Variants in TMEM200A observed in about 807,000 individuals in gnomAD.
TMEM200A encodes two transmembrane C.
TMEM200A carries 12 observed loss-of-function variants against 24.3 expected under a neutral mutation model. The ratio of observed to expected loss-of-function variants is 0.49; its 90% CI spans 0.32 to 0.80. TMEM200A has a LOEUF of 0.80. Among genes scored for constraint, TMEM200A ranks in the 30% least tolerant of loss-of-function variants. The pLI is 0.04. For missense variants in TMEM200A, 545 were observed against 614.4 expected (o/e 0.89, Z 1.19); for synonymous variants, 224 against 224.4 (o/e 1.00, Z 0.02).
At chr6:130,369,348 T>C (rs1292190679) in intron 1 of TMEM200A, among the ~76,000 whole-genome samples, 1 of 152,130 alleles carries the variant, frequency 6.6e-6, no homozygotes, top group Non-Finnish European at 1.5e-5. Context: ...TTTGTAGAGA[T>C]AGGAGAAGCT....
In TMEM200A at chr6:130,385,179, G is replaced by T. The variant is rs1778684105; in HGVS notation, c.-74G>T. The T allele has an allele frequency of 1.3e-5, 2 of 152,196 alleles. No homozygotes were observed. The highest frequency in any genetic ancestry group is 6.5e-5 in the Admixed American group (1 of 15,276). The allele number at this position is 152,196 out of a possible 1,614,324, so 9.4% of individuals were successfully genotyped here. A position where few individuals can be genotyped will look rare whatever the true frequency, so the allele number is the denominator to read the frequency against. On this transcript the variant is annotated 5_prime_UTR_variant, in exon 2 of 3. Coordinates refer to ENST00000296978, the MANE Select transcript of TMEM200A (RefSeq NM_001258277.2). ...AAAATTCTTAATTTCTTAGCACACA[G>T]AGCCGCTGAAAACGACTGAAGAGAG...
rs1780146908 is a variant in TMEM200A at position 130,440,868 on chromosome 6, A to C, written c.446A>C (p.Glu149Ala). 1 of 1,613,950 alleles carries C rather than the reference A, an allele frequency of 6.2e-7. No individual in the cohort carries two copies. Among genetic ancestry groups the C allele is most frequent in the Non-Finnish European group, 8.5e-7 (1 of 1,179,998 alleles). Residue 149 changes from glutamate (E) to alanine (A), a missense_variant, in exon 3 of 3, where the codon GAA (glutamate) becomes GCA (alanine). Transcript: ENST00000296978. The stretch of plus-strand genomic sequence containing the variant: ...ATTTGTGCTAATGCCATTCTTCATG[A>C]AAACCGTGACAAAGAGACCAAAATC... ...IFICANAILH[E>A]NRDKETKIIH...
upstream of TMEM200A, chr6:130,365,996 T>A: frequency 8.1e-6 from 8 of 984,416 alleles, no homozygotes; most frequent in Non-Finnish European, 9.6e-6. Flanking sequence ...CTTTATGGCG[T>A]GAGGTTTGGG....
At chr6:130,404,724 T>C (rs993746480) in intron 2 of TMEM200A, among the ~76,000 whole-genome samples, 13 of 152,178 alleles carry the variant, frequency 8.5e-5, no homozygotes, top group African/African-American at 3.1e-4. Flanking sequence ...GCTTTTGGCG[T>C]CTTTGTCATG....
At chr6:130,421,241 G>T (rs997077227) in intron 2 of TMEM200A, 3 of 152,078 alleles carry the variant, frequency 2.0e-5, no homozygotes, top group Admixed American at 2.0e-4. Context: ...AAGCTCACAG[G>T]TTATACCAGT....
chr6:130,366,086 C>T lies in TMEM200A; in HGVS notation c.-519C>T, dbSNP rs1778134754. On this transcript the variant is annotated 5_prime_UTR_variant, in exon 1 of 3. Transcript: ENST00000296978. This position sits in a 1 kb window ranked among gnomAD's most constrained non-coding sequence, Gnocchi z 4.4. ...CTTTTGTCTTTCTTGGACGCGGTGG[C>T]GGCGCCGCCTGAGCGGCGACTCCCT... 2.0e-6 allele frequency: 2 copies of T among 985,578 alleles called. No homozygotes were observed. Among genetic ancestry groups the T allele is most frequent in the Admixed American group, 6.1e-5 (1 of 16,272 alleles). The allele number at this position is 985,578 out of a possible 1,614,324, so 61.1% of individuals were successfully genotyped here.
intron 2 of TMEM200A, among the ~76,000 whole-genome samples, chr6:130,410,183 G>C (rs1000409807): frequency 6.6e-6 from 1 of 152,234 alleles, no homozygotes; most frequent in South Asian, 2.1e-4. Context: ...TGAGTTTTCT[G>C]TGAGTGGGAA....
chr6:130,423,468 A>T (rs1226202290), intron 2 of TMEM200A, among the ~76,000 whole-genome samples: 1 of 152,188 alleles, frequency 6.6e-6, no homozygotes, highest in African/African-American at 2.4e-5. Flanking sequence ...AATTAGTTGG[A>T]AAATCGTTGC....
chr6:130,382,943 C>A (rs550113205), intron 1 of TMEM200A: 1 of 795,710 alleles, frequency 1.3e-6, no homozygotes, highest in South Asian at 5.7e-5. Context: ...CCTGGTTCCT[C>A]GAGGCACCTG....
rs145434271 is a variant in TMEM200A at position 130,399,202 on chromosome 6, C to T, written c.-17+13966C>T. On this transcript the variant is annotated intron_variant, in intron 2 of 2. Transcript: ENST00000296978. ...TATTTAACCTTTTTTTGGTTGTTTT[C>T]AAGATTTTCTGTTTTTCTTGTGTAA... Among the ~76,000 whole-genome samples, 432 of 151,936 alleles carry T rather than the reference C, an allele frequency of 2.8e-3. 4 individuals carry two copies. Among genetic ancestry groups the T allele is most frequent in the African/African-American group, 9.9e-3 (410 of 41,494 alleles).
chr6:130,366,195 T>G lies in TMEM200A; in HGVS notation c.-410T>G, dbSNP rs1464744872. ...GCGCCCGGATGGCGGCGGCCCTCTGTGAGCACCGGCAGCGGCGCATCCCCT... is the reference window on the plus strand; with the variant it reads ...GCGCCCGGATGGCGGCGGCCCTCTGGGAGCACCGGCAGCGGCGCATCCCCT... On this transcript the variant is annotated 5_prime_UTR_variant, in exon 1 of 3. Coordinates refer to ENST00000296978, the MANE Select transcript of TMEM200A (RefSeq NM_001258277.2). This position sits in a 1 kb window ranked among gnomAD's most constrained non-coding sequence, Gnocchi z 4.4. The G allele has an allele frequency of 1.0e-6, 1 of 985,058 alleles. No individual in the cohort carries two copies. Among genetic ancestry groups the G allele is most frequent in the Non-Finnish European group, 1.2e-6 (1 of 829,796 alleles). The allele number at this position is 985,058 out of a possible 1,614,324, so 61.0% of individuals were successfully genotyped here. A position where few individuals can be genotyped will look rare whatever the true frequency, so the allele number is the denominator to read the frequency against.
chr6:130,427,519 T>C (rs1779773643), intron 2 of TMEM200A, among the ~76,000 whole-genome samples: 1 of 134,022 alleles, frequency 7.5e-6, no homozygotes, highest in Non-Finnish European at 1.5e-5. Flanking sequence ...TTTCATGTAT[T>C]CTTGGGCAAA....
intron 1 of TMEM200A, among the ~76,000 whole-genome samples, chr6:130,381,640 G>A (rs1254352368): frequency 6.6e-6 from 1 of 152,178 alleles, no homozygotes; most frequent in Non-Finnish European, 1.5e-5. Flanking sequence ...ATTGAGTGCG[G>A]GCTCAAAGCT....
Position 130,404,349 on chromosome 6 carries a change from G to C in TMEM200A, c.-17+19113G>C, listed in dbSNP as rs553867903. Among the ~76,000 whole-genome samples the C allele has an allele frequency of 9.9e-5, 15 of 152,096 alleles. No homozygotes were observed. The South Asian group carries it at 2.9e-3, about 29-fold the overall frequency. On this transcript the variant is annotated intron_variant, in intron 2 of 2. Coordinates refer to ENST00000296978, the MANE Select transcript of TMEM200A (RefSeq NM_001258277.2). ...ATCTCTCCAGCATCTGTTATTTTTTGACTTTTTAATGATAGCCATTCTGAC... is the reference window on the plus strand; with the variant it reads ...ATCTCTCCAGCATCTGTTATTTTTTCACTTTTTAATGATAGCCATTCTGAC...
intron 2 of TMEM200A, among the ~76,000 whole-genome samples, chr6:130,389,271 AG>A (rs1435305065): frequency 6.6e-6 from 1 of 152,168 alleles, no homozygotes; most frequent in Non-Finnish European, 1.5e-5. Context: ...ACAAGATATA[AG>A]TGGAAGCAGA....
chr6:130,405,352 C>T (rs932375469), intron 2 of TMEM200A, among the ~76,000 whole-genome samples: 1 of 152,044 alleles, frequency 6.6e-6, no homozygotes, highest in Non-Finnish European at 1.5e-5. Flanking sequence ...TTGTAGTTCT[C>T]CTTGTAGAGA....
At position 130,441,388 on chromosome 6, in the gene TMEM200A, G is replaced by A. The variant is rs1780169475; in HGVS notation, c.966G>A (p.Leu322=). The A allele has an allele frequency of 6.2e-7, 1 of 1,614,116 alleles. No homozygotes were observed. Among genetic ancestry groups the A allele is most frequent in the Non-Finnish European group, 8.5e-7 (1 of 1,180,000 alleles). ...ACCTCAAAAGTAGGTCAAGGAATTT[G>A]TCAATGGATTCCCTTGTGGTTCCTT... The part of the protein sequence containing the change: ...ADNLKSRSRN[L]SMDSLVVPLP... The change falls in exon 3 of 3, where the codon TTG becomes TTA. Residue 322 remains leucine, a synonymous_variant. Transcript: ENST00000296978.
chr6:130,368,128 T>C (rs1201514766), intron 1 of TMEM200A, among the ~76,000 whole-genome samples: 2 of 152,216 alleles, frequency 1.3e-5, no homozygotes, highest in Non-Finnish European at 2.9e-5. Context: ...GAATTTTTAG[T>C]GAAGCTTTTG....
At position 130,441,503 on chromosome 6, in the gene TMEM200A, T is replaced by A; in HGVS notation, c.1081T>A (p.Ser361Thr). ...GGAGTCGTTGTCGAGTCAGTACAAG[T>A]CATCTATGGCTCTCGGACCTGGGGC... is the stretch of plus-strand genomic sequence containing the variant. ...IGESLSSQYK[S>T]SMALGPGAGQ... The change falls in exon 3 of 3, where the codon TCA (serine) becomes ACA (threonine). Residue 361 changes from serine to threonine, a missense_variant. Transcript: ENST00000296978. 1.9e-6 allele frequency: 3 copies of A among 1,614,002 alleles called. No homozygotes were observed. Among genetic ancestry groups the A allele is most frequent in the Non-Finnish European group, 2.5e-6 (3 of 1,179,980 alleles).
Sources: gnomAD v4.1 joint callset for allele counts (sites outside exome capture counted in the v4.1 genomes callset) on GRCh38, gnomAD v4.1.1 for gene constraint, Gnocchi (gnomAD v3.1) non-coding constraint, MANE v1.5 for transcripts, NCBI Gene and HGNC (gene_info 2026-07-23, HGNC 2026-07-21) for gene names.